The following TRIM24 variants were observed in gnomAD, a reference collection of about 807,000 sequenced individuals.
TRIM24 encodes the protein tripartite motif containing 24.
Under a neutral mutation model 123.9 loss-of-function variants are expected in TRIM24, and 29 were observed. The ratio of observed to expected loss-of-function variants is 0.23; its 90% CI spans 0.17 to 0.32. The LOEUF (loss-of-function observed/expected upper bound fraction) is 0.32. Ranked by LOEUF, TRIM24 falls within the 10% of genes least tolerant of loss-of-function variation. TRIM24 has a pLI of 1.00. For synonymous variants in TRIM24, 456 were observed against 461.1 expected, an observed-to-expected ratio of 0.99 and a Z score of 0.14; for missense variants, 932 against 1,295.3, an observed-to-expected ratio of 0.72 and a Z score of 4.31.
intron 3 of TRIM24, among the ~76,000 whole-genome samples, 191 bp from the exon 4 acceptor site, chr7:138,518,998 C>G (rs540859441): frequency 1.1e-4 from 17 of 151,496 alleles, no homozygotes; most frequent in Non-Finnish European, 2.5e-4. Context: ...AGGTTATTTA[C>G]TTTTTTTTTC....
In TRIM24 at chr7:138,570,886, T is replaced by C; in HGVS notation, c.1761T>C (p.Thr587=). 6.2e-7 allele frequency: 1 copy of C among 1,614,144 alleles called. No individual in the cohort carries two copies. Among genetic ancestry groups the C allele is most frequent in the Non-Finnish European group, 8.5e-7 (1 of 1,180,014 alleles). Residue 587 remains threonine (T), a synonymous_variant, in exon 11 of 19, where the codon ACT becomes ACC. Transcript: ENST00000343526. ...CAACTACCAACAGCACATCCTCTACTCCTTCCAGCCCCACGATTACTAGTG... is the reference window on the plus strand; with the variant it reads ...CAACTACCAACAGCACATCCTCTACCCCTTCCAGCCCCACGATTACTAGTG... ...TPSTTNSTSS[T]PSSPTITSAA...
intron 9 of TRIM24, among the ~76,000 whole-genome samples, chr7:138,564,907 G>A (rs746705607): frequency 2.2e-4 from 34 of 152,002 alleles, no homozygotes; most frequent in Admixed American, 6.5e-4. Context: ...CAGTTACAGC[G>A]CAACACACTC....
intron 1 of TRIM24, among the ~76,000 whole-genome samples, chr7:138,496,200 A>G (rs912484152): frequency 5.3e-5 from 8 of 152,218 alleles, no homozygotes; most frequent in African/African-American, 1.9e-4. Context: ...ATGGAATCTC[A>G]ACTGTGTTGA....
At chr7:138,466,647 C>T (rs879720203) in intron 1 of TRIM24, among the ~76,000 whole-genome samples, 2 of 151,902 alleles carry the variant, frequency 1.3e-5, no homozygotes, top group Non-Finnish European at 2.9e-5. Context: ...GCCACCACGC[C>T]TGGCTGGGAG....
chr7:138,529,834 C>G (rs1796692137), intron 6 of TRIM24, among the ~76,000 whole-genome samples: 1 of 152,068 alleles, frequency 6.6e-6, no homozygotes, highest in Non-Finnish European at 1.5e-5. Context: ...AAGGTTATAA[C>G]AGCTACATGG....
At chr7:138,536,137 T>C (rs1796867653) in intron 6 of TRIM24, among the ~76,000 whole-genome samples, 1 of 152,194 alleles carries the variant, frequency 6.6e-6, no homozygotes, top group Non-Finnish European at 1.5e-5. Flanking sequence ...TTCAAGGTTT[T>C]TAGCTTCTTT....
chr7:138,517,360 G>GTTTTGTTTTGTTTTGTTT (rs1554438056), intron 3 of TRIM24, among the ~76,000 whole-genome samples: 50 of 151,760 alleles, frequency 3.3e-4, no homozygotes, highest in African/African-American at 1.1e-3. Context: ...TTGTGTGTGT[G>GTTTTGTTTTGTTTTGTTT]TGTTTTGTTT....
intron 10 of TRIM24, among the ~76,000 whole-genome samples, chr7:138,569,093 T>A (rs1230714727): frequency 1.3e-5 from 2 of 152,204 alleles, no homozygotes; most frequent in African/African-American, 4.8e-5. Flanking sequence ...CTACTTATTT[T>A]CCTAATAATT....
intron 6 of TRIM24, among the ~76,000 whole-genome samples, chr7:138,531,989 T>C (rs1796757374): frequency 6.6e-6 from 1 of 152,182 alleles, no homozygotes; most frequent in Non-Finnish European, 1.5e-5. Flanking sequence ...CAATTTTTCA[T>C]GTGTCTGTTG....
chr7:138,476,793 C>A (rs1206506083), intron 1 of TRIM24, among the ~76,000 whole-genome samples: 2 of 151,982 alleles, frequency 1.3e-5, no homozygotes, highest in South Asian at 4.1e-4. Context: ...ATCTCCACTT[C>A]TAGGAATGTA....
chr7:138,557,086 G>A (rs1797329820), intron 9 of TRIM24, among the ~76,000 whole-genome samples: 1 of 152,144 alleles, frequency 6.6e-6, no homozygotes, highest in Non-Finnish European at 1.5e-5. Context: ...AATGGTAAGG[G>A]GCATGAGGAG....
At chr7:138,501,262 C>T (rs1277930173) in intron 1 of TRIM24, among the ~76,000 whole-genome samples, 2 of 152,006 alleles carry the variant, frequency 1.3e-5, no homozygotes, top group Non-Finnish European at 2.9e-5. Context: ...GAGATGGAGT[C>T]TCTGTCACCC....
rs191504842 is a variant in TRIM24, at chr7:138,519,966, C to T, written c.764+645C>T. Among the ~76,000 whole-genome samples, 28 of 151,964 alleles carry T rather than the reference C, an allele frequency of 1.8e-4. No individual in the cohort carries two copies. In the East Asian group the frequency reaches 4.5e-3, roughly 24 times the overall value. ...AATTGCTTATGATGGTCTAGGCTCC[C>T]GATAATGGCAGACTAGATAATTTGG... On this transcript the variant is annotated intron_variant, in intron 4 of 18. Transcript: ENST00000343526.
intron 1 of TRIM24, 125 bp from the exon 2 acceptor site, chr7:138,504,165 T>A: frequency 2.0e-6 from 1 of 504,390 alleles, no homozygotes; most frequent in Non-Finnish European, 3.5e-6. Context: ...TGTTTTTAAG[T>A]GACAGCAGGT....
intron 9 of TRIM24, among the ~76,000 whole-genome samples, chr7:138,558,925 CG>C (rs1797370467): frequency 6.6e-6 from 1 of 152,144 alleles, no homozygotes; most frequent in Admixed American, 6.5e-5. Flanking sequence ...GAGGAACAAA[CG>C]GGGCACACAT....
chr7:138,579,985 AG>A (rs1797858455), intron 15 of TRIM24, among the ~76,000 whole-genome samples: 1 of 152,216 alleles, frequency 6.6e-6, no homozygotes, highest in Non-Finnish European at 1.5e-5. Context: ...GATCATCATA[AG>A]GAACAATGTC....
At chr7:138,505,493 GT>G (rs1796130532) in intron 2 of TRIM24, among the ~76,000 whole-genome samples, 1 of 148,772 alleles carries the variant, frequency 6.7e-6, no homozygotes, top group Non-Finnish European at 1.5e-5. Context: ...AGCTTCATTT[GT>G]TTTTTGGGGG....
intron 1 of TRIM24, among the ~76,000 whole-genome samples, chr7:138,474,217 C>G (rs1795347856): frequency 6.6e-6 from 1 of 151,582 alleles, no homozygotes; most frequent in South Asian, 2.1e-4. Flanking sequence ...ACTCTGCCTC[C>G]CGGGTTCACG....
chr7:138,469,299 C>G (rs1795218479), intron 1 of TRIM24, among the ~76,000 whole-genome samples: 1 of 150,040 alleles, frequency 6.7e-6, no homozygotes, highest in South Asian at 2.1e-4. Flanking sequence ...TTTCAAATTT[C>G]TTTCTGCAAT....
Sources: gnomAD v4.1 joint callset for allele counts (sites outside exome capture counted in the v4.1 genomes callset) on GRCh38, gnomAD v4.1.1 for gene constraint, MANE v1.5 for transcripts, NCBI Gene and HGNC (gene_info 2026-07-23, HGNC 2026-07-21) for gene names.